Variants in GCN1 observed in about 807,000 individuals in gnomAD.
GCN1 encodes stalled ribosome sensor GCN1.
A neutral mutation model predicts 288.4 loss-of-function variants in GCN1; 90 were observed. The ratio of observed to expected loss-of-function variants is 0.31; its 90% CI spans 0.26 to 0.37. The LOEUF (loss-of-function observed/expected upper bound fraction) is 0.37. Among genes scored for constraint, GCN1 ranks in the 10% least tolerant of loss-of-function variants. The pLI is 1.00. For synonymous variants in GCN1, 1,386 were observed against 1,420.2 expected (o/e 0.98, Z 0.54); for missense variants, 2,586 against 3,419.9 (o/e 0.76, Z 6.08).
intron 31 of GCN1, 25 bp downstream of exon 31, chr12:120,154,945 G>T (rs1877691512): frequency 1.9e-6 from 3 of 1,592,544 alleles, no homozygotes; most frequent in Non-Finnish European, 1.7e-6. Flanking sequence ...GCTTGGAGTA[G>T]AACGAGGCTG....
chr12:120,144,916 G>A lies in GCN1; in HGVS notation c.5155+7C>T, dbSNP rs1566301823. 1.2e-6 allele frequency: 2 copies of A among 1,614,160 alleles called. No individual in the cohort carries two copies. The highest frequency in any genetic ancestry group is 1.7e-6 in the Non-Finnish European group (2 of 1,180,032). ...CAGGCTGGCCACTGGACCTGCTCTG[G>A]CCTTACCCTGTGCAGCGCCTGAGCG... On this transcript the variant is annotated splice_region_variant and intron_variant, in intron 40 of 57. Transcript: ENST00000300648. The surrounding 1 kb of genome is among the most constrained non-coding windows in gnomAD (Gnocchi z 4.7).
At chr12:120,161,707 G>A (rs1182756732) in intron 21 of GCN1, 124 bp from the exon 22 acceptor site, 6 of 901,120 alleles carry the variant, frequency 6.7e-6, no homozygotes, top group Non-Finnish European at 1.1e-5. Flanking sequence ...CCGGATACTG[G>A]ACACACTTAA....
In GCN1 at chr12:120,144,395, C is replaced by T. The variant is rs1392522973; in HGVS notation, c.5406G>A (p.Gln1802=). ...TCTCAGCGTACATGGAGATAACCCGCTGGCCCGCGCGCAGGGCGGTGTCAC... is the reference window on the plus strand; with the variant it reads ...TCTCAGCGTACATGGAGATAACCCGTTGGCCCGCGCGCAGGGCGGTGTCAC... ...FVRDTALRAG[Q]RVISMYAETA... is the part of the protein sequence containing the mutation. The change falls in exon 42 of 58, where the codon CAG becomes CAA. Residue 1802 remains glutamine, a synonymous_variant. Transcript: ENST00000300648. This position sits in a 1 kb window ranked among gnomAD's most constrained non-coding sequence, Gnocchi z 4.7. 1.2e-6 allele frequency: 2 copies of T among 1,614,232 alleles called. No individual in the cohort carries two copies. The highest frequency in any genetic ancestry group is 2.2e-5 in the East Asian group (1 of 44,884).
At chr12:120,192,950 T>C (rs1879053209) in intron 1 of GCN1, among the ~76,000 whole-genome samples, 1 of 150,924 alleles carries the variant, frequency 6.6e-6, no homozygotes, top group African/African-American at 2.4e-5. Context: ...GCAGGAGAAT[T>C]GCTTGAACCT....
At chr12:120,174,014 A>G in intron 13 of GCN1, 57 bp downstream of exon 13, 1 of 1,205,042 alleles carries the variant, frequency 8.3e-7, no homozygotes, top group Non-Finnish European at 1.2e-6. Context: ...CCAACTGTGA[A>G]AAACCACGGT....
At chr12:120,193,764 A>G (rs1040472604) in intron 1 of GCN1, among the ~76,000 whole-genome samples, 2 of 152,168 alleles carry the variant, frequency 1.3e-5, no homozygotes, top group African/African-American at 4.8e-5. Context: ...TTTTCTTTCT[A>G]GTATTCAGTA....
intron 38 of GCN1, among the ~76,000 whole-genome samples, chr12:120,145,841 T>C (rs1253607333): frequency 6.6e-6 from 1 of 152,228 alleles, no homozygotes; most frequent in Non-Finnish European, 1.5e-5. Context: ...ATGATAGAAT[T>C]ATATAAGTTA....
At position 120,142,469 on chromosome 12, in the gene GCN1, TG is replaced by T; in HGVS notation, c.5829+37del. 6.6e-7 allele frequency: 1 copy of T among 1,513,084 alleles called. No homozygotes were observed. The highest frequency in any genetic ancestry group is 9.2e-7 in the Non-Finnish European group (1 of 1,088,902). 93.7% of individuals were successfully genotyped at this position (1,513,084 alleles called of 1,614,324 possible). A position where few individuals can be genotyped will look rare whatever the true frequency, so the allele number is the denominator to read the frequency against. Reference sequence around the variant, plus strand: ...CCTTCTAGGCTCTGAAAGGAGGCACTGGGGCTGCTGGTCCAAAACAAGGCCC... The same window carrying T: ...CCTTCTAGGCTCTGAAAGGAGGCACTGGGCTGCTGGTCCAAAACAAGGCCC... On this transcript the variant is annotated intron_variant, in intron 44 of 57. Coordinates refer to ENST00000300648, the MANE Select transcript of GCN1 (RefSeq NM_006836.2). The surrounding 1 kb of genome is among the most constrained non-coding windows in gnomAD (Gnocchi z 4.9).
Position 120,127,948 on chromosome 12 carries a change from G to T in GCN1, c.7917C>A (p.Ala2639=). 6.2e-7 allele frequency: 1 copy of T among 1,613,980 alleles called. No homozygotes were observed. The highest frequency in any genetic ancestry group is 8.5e-7 in the Non-Finnish European group (1 of 1,179,890). Residue 2639 remains alanine (A), a synonymous_variant, in exon 58 of 58, where the codon GCC becomes GCA. Coordinates refer to ENST00000300648, the MANE Select transcript of GCN1 (RefSeq NM_006836.2). ...TAACCTCGTTCAGCACCTCCAAACT[G>T]GCCACATCCAGGATCTTGGAGAGGG... The part of the protein sequence containing the change: ...FQSLSKILDV[A]SLEVLNEVNR...
intron 15 of GCN1, 39 bp from the exon 16 acceptor site, chr12:120,168,339 C>T (rs1878200323): frequency 1.7e-6 from 2 of 1,180,946 alleles, no homozygotes; most frequent in African/African-American, 3.0e-5. Context: ...CGCAGCTCAC[C>T]ACATCCCCCA....
chr12:120,139,967 G>A (rs1300104327), intron 45 of GCN1, among the ~76,000 whole-genome samples: 1 of 152,252 alleles, frequency 6.6e-6, no homozygotes, highest in Non-Finnish European at 1.5e-5. Flanking sequence ...TGGTTGGCAT[G>A]TGGGCCTTGC....
intron 34 of GCN1, among the ~76,000 whole-genome samples, chr12:120,150,708 C>T (rs1460658460): frequency 2.0e-5 from 3 of 152,038 alleles, no homozygotes; most frequent in East Asian, 1.9e-4. Context: ...GAGGCTGAGG[C>T]GGACAGATCA....
chr12:120,132,913 C>A (rs1297804559), intron 53 of GCN1, among the ~76,000 whole-genome samples: 1 of 152,122 alleles, frequency 6.6e-6, no homozygotes, highest in African/African-American at 2.4e-5. Context: ...GCCCAGGTGC[C>A]AAGCTAAAGC....
rs548401692 is a variant in GCN1 at position 120,129,329 on chromosome 12, C to T, written c.7837G>A (p.Asp2613Asn). The change falls in exon 57 of 58, where the codon GAC becomes AAC. Residue 2613 changes from aspartate (D) to asparagine (N), a missense_variant. By Grantham distance (23) the Asp-to-Asn change is conservative. Around this residue, in one of 8 missense-constraint regions of GCN1, gnomAD observed 355 missense variants for 431.1 expected, o/e 0.82. Transcript: ENST00000300648. ...DKNTVVRAYSDQAIVNLLKMR... is the reference protein window; with the variant it reads ...DKNTVVRAYSNQAIVNLLKMR... ...TTGAGGAGGTTGACAATTGCCTGGT[C>T]GCTGTAGGCCCTGACCACGGTGTTC... 18 of 1,614,146 alleles carry T rather than the reference C, an allele frequency of 1.1e-5. No homozygotes were observed. The highest frequency in any genetic ancestry group is 6.7e-5 in the East Asian group (3 of 44,880).
intron 53 of GCN1, among the ~76,000 whole-genome samples, chr12:120,133,600 C>T (rs1876901449): frequency 6.6e-6 from 1 of 152,182 alleles, no homozygotes; most frequent in East Asian, 1.9e-4. Context: ...GAGGTCTATG[C>T]ACCTCTGGGA....
Position 120,149,989 on chromosome 12 carries a change from G to A in GCN1, c.4364C>T (p.Pro1455Leu), listed in dbSNP as rs372112267. Residue 1455 changes from proline to leucine, a missense_variant, in exon 35 of 58, where the codon CCG becomes CTG. Pro to Leu is a moderately conservative substitution (Grantham distance 98, BLOSUM62 -3). Around this residue, in one of 8 missense-constraint regions of GCN1, gnomAD observed 371 missense variants for 572.6 expected, o/e 0.65. Coordinates refer to ENST00000300648, the MANE Select transcript of GCN1 (RefSeq NM_006836.2). ...ATGGGGCAGCACGTGAACCACATAC[G>A]GCTCAAAAAGTTTCCCCAGCATGGT... ...LCTMLGKLFEPYVVHVLPHLL... is the reference protein window; with the variant it reads ...LCTMLGKLFELYVVHVLPHLL... 6.2e-7 allele frequency: 1 copy of A among 1,613,984 alleles called. No individual in the cohort carries two copies. Among genetic ancestry groups the A allele is most frequent in the Admixed American group, 1.7e-5 (1 of 60,002 alleles).
chr12:120,168,493 C>A (rs1441394086), intron 15 of GCN1, 193 bp from the exon 16 acceptor site: 19 of 530,924 alleles, frequency 3.6e-5, no homozygotes, highest in Non-Finnish European at 6.4e-5. Flanking sequence ...TCTTCGGTGG[C>A]TCTCTGCTGC....
intron 2 of GCN1, among the ~76,000 whole-genome samples, chr12:120,185,107 G>C (rs1878780348): frequency 6.6e-6 from 1 of 152,160 alleles, no homozygotes; most frequent in South Asian, 2.1e-4. Context: ...ACGAAACTAA[G>C]AAAATAAAAG....
At chr12:120,169,011 C>T (rs1878222802) in intron 15 of GCN1, among the ~76,000 whole-genome samples, 1 of 152,062 alleles carries the variant, frequency 6.6e-6, no homozygotes, top group Non-Finnish European at 1.5e-5. Context: ...ATAAAGAAAG[C>T]CTGGCCGGGC....
Sources: allele counts gnomAD v4.1 joint callset (sites outside exome capture counted in the v4.1 genomes callset), GRCh38; gene constraint gnomAD v4.1.1; regional missense constraint gnomAD v4.1.1; non-coding constraint Gnocchi (gnomAD v3.1); transcripts MANE v1.5; gene names NCBI Gene and HGNC (gene_info 2026-07-23, HGNC 2026-07-21).